The following RAB3B variants were observed in gnomAD, a reference collection of about 807,000 sequenced individuals.
RAB3B encodes the protein ras-related protein Rab-3B.
RAB3B carries 11 observed loss-of-function variants against 20.5 expected under a neutral mutation model. The ratio of observed to expected loss-of-function variants is 0.54; its 90% CI spans 0.34 to 0.89. RAB3B has a LOEUF of 0.89. Among genes scored for constraint, RAB3B ranks in the 40% least tolerant of loss-of-function variants. The pLI, the probability that RAB3B is intolerant of heterozygous loss-of-function variation, is 0.02. For synonymous variants in RAB3B, 99 were observed against 106.3 expected, an observed-to-expected ratio of 0.93 and a Z score of 0.42; for missense variants, 225 against 280.9, an observed-to-expected ratio of 0.80 and a Z score of 1.42.
In RAB3B at chr1:51,937,388, G is replaced by A. The variant is rs749093105; in HGVS notation, c.253C>T (p.Arg85Trp). ...CGGTAATAGGCTGTTGTGATGGTCC[G>A]GTACCGCTCCTGCCCAGCTGTGTCC... ...IWDTAGQERY[R>W]TITTAYYRGA... Residue 85 changes from arginine (R) to tryptophan (W), a missense_variant, in exon 3 of 5, where the codon CGG becomes TGG. Transcript: ENST00000371655. The A allele has an allele frequency of 8.7e-6, 14 of 1,608,796 alleles. No individual in the cohort carries two copies. The highest frequency in any genetic ancestry group is 1.1e-5 in the South Asian group (1 of 89,724).
chr1:51,963,831 CTGCATGTAA>C (rs1329598012), intron 2 of RAB3B, among the ~76,000 whole-genome samples: 4 of 152,320 alleles, frequency 2.6e-5, no homozygotes, highest in African/African-American at 9.6e-5. Context: ...GACTCACCCT[CTGCATGTAA>C]TCCTATCCCC....
At chr1:51,981,575 T>G (rs1557978546) in intron 1 of RAB3B, among the ~76,000 whole-genome samples, 1 of 152,236 alleles carries the variant, frequency 6.6e-6, no homozygotes, top group East Asian at 1.9e-4. Flanking sequence ...CTATGCATAT[T>G]GTAATAGCTG....
intron 3 of RAB3B, among the ~76,000 whole-genome samples, chr1:51,934,392 C>T (rs1684367804): frequency 6.6e-6 from 1 of 152,160 alleles, no homozygotes; most frequent in African/African-American, 2.4e-5. Flanking sequence ...CATAAACCTT[C>T]CCTGAAGCCT....
chr1:51,963,483 A>G (rs939423626), intron 2 of RAB3B, among the ~76,000 whole-genome samples: 4 of 152,228 alleles, frequency 2.6e-5, no homozygotes, highest in Admixed American at 2.6e-4. Context: ...AGAGCAAAAC[A>G]TGGCTGGAGA....
intron 2 of RAB3B, among the ~76,000 whole-genome samples, chr1:51,943,777 A>G (rs1441652767): frequency 2.0e-5 from 3 of 152,250 alleles, no homozygotes; most frequent in Non-Finnish European, 4.4e-5. Context: ...CTTCAATTCT[A>G]TGAAGGCTGA....
intron 2 of RAB3B, among the ~76,000 whole-genome samples, chr1:51,963,728 G>A (rs1403675023): frequency 2.0e-5 from 3 of 151,920 alleles, no homozygotes; most frequent in Non-Finnish European, 2.9e-5. Flanking sequence ...AAGAGAACTC[G>A]AACCAGCACA....
At chr1:51,979,944 G>C (rs557144375) in intron 1 of RAB3B, among the ~76,000 whole-genome samples, 1 of 152,044 alleles carries the variant, frequency 6.6e-6, no homozygotes, top group South Asian at 2.1e-4. Flanking sequence ...AGGAGGCTGA[G>C]GCAGGAAAAT....
intron 4 of RAB3B, among the ~76,000 whole-genome samples, chr1:51,922,285 A>G (rs1472241559): frequency 6.6e-6 from 1 of 152,144 alleles, no homozygotes; most frequent in Non-Finnish European, 1.5e-5. Context: ...TAAGTAAGTA[A>G]ATAGGTTTTC....
intron 2 of RAB3B, among the ~76,000 whole-genome samples, chr1:51,957,599 G>A (rs994491951): frequency 1.3e-5 from 2 of 152,206 alleles, no homozygotes; most frequent in Non-Finnish European, 2.9e-5. Context: ...TTGTTGGGAG[G>A]ATAAAGTAAG....
At chr1:51,925,948 G>A (rs1229985684) in intron 4 of RAB3B, among the ~76,000 whole-genome samples, 2 of 152,220 alleles carry the variant, frequency 1.3e-5, no homozygotes, top group Non-Finnish European at 2.9e-5. Flanking sequence ...AGGAGTCACA[G>A]TAGAGGAGCA....
Position 51,977,056 on chromosome 1 carries a change from T to C in RAB3B, c.62A>G (p.Tyr21Cys), listed in dbSNP as rs921068736. 6 of 1,614,196 alleles carry C rather than the reference T, an allele frequency of 3.7e-6. No homozygotes were observed. The highest frequency in any genetic ancestry group is 5.1e-6 in the Non-Finnish European group (6 of 1,180,026). The change falls in exon 2 of 5, where the codon TAC (tyrosine) becomes TGC (cysteine). Residue 21 changes from tyrosine (Y) to cysteine (C), a missense_variant. Tyr to Cys is a radical substitution (Grantham distance 194). Coordinates refer to ENST00000371655, the MANE Select transcript of RAB3B (RefSeq NM_002867.4). The stretch of plus-strand genomic sequence containing the variant: ...GCCAATGATAAGCAGTTTAAACATG[T>C]AGTCAAAATTCTGGTCAGAGGCATC... Reference protein sequence around the residue: ...VKDASDQNFDYMFKLLIIGNS... With the variant: ...VKDASDQNFDCMFKLLIIGNS...
Position 51,929,605 on chromosome 1 carries a change from T to C in RAB3B, c.472+3713A>G, listed in dbSNP as rs370075110. 2.0e-5 allele frequency among the ~76,000 whole-genome samples: 3 copies of C among 152,286 alleles called. No individual in the cohort carries two copies. The East Asian group carries it at 5.8e-4, about 29-fold the overall frequency. ...TGCTGGGATTACAAGTGTGAGCCAC[T>C]GCGCCCAGCCAATTCTATTTTTTTT... On this transcript the variant is annotated intron_variant, in intron 4 of 4. Transcript: ENST00000371655.
At chr1:51,963,163 A>T (rs148042036) in intron 2 of RAB3B, among the ~76,000 whole-genome samples, 1 of 152,292 alleles carries the variant, frequency 6.6e-6, no homozygotes, top group Non-Finnish European at 1.5e-5. Context: ...TCACTCTCAC[A>T]GTCATATCCT....
chr1:51,962,223 T>A (rs1393272809), intron 2 of RAB3B, among the ~76,000 whole-genome samples: 1 of 152,218 alleles, frequency 6.6e-6, no homozygotes, highest in Non-Finnish European at 1.5e-5. Context: ...AGTGTCAGGA[T>A]GAAATCAGTT....
intron 2 of RAB3B, among the ~76,000 whole-genome samples, chr1:51,966,792 A>T (rs1684857854): frequency 6.6e-6 from 1 of 151,952 alleles, no homozygotes; most frequent in South Asian, 2.1e-4. Context: ...CTGTCTTCAC[A>T]TTCCTGGAGC....
chr1:51,970,849 C>T (rs1192212790), intron 2 of RAB3B, among the ~76,000 whole-genome samples: 1 of 141,032 alleles, frequency 7.1e-6, no homozygotes, highest in Non-Finnish European at 1.6e-5. Flanking sequence ...ACTAAAAATA[C>T]AAAAAAAAAA....
At chr1:51,922,605 C>G (rs1003943563) in intron 4 of RAB3B, among the ~76,000 whole-genome samples, 2 of 152,102 alleles carry the variant, frequency 1.3e-5, no homozygotes, top group African/African-American at 4.8e-5. Context: ...CCTTGCACCT[C>G]TACTGTCTCC....
intron 2 of RAB3B, among the ~76,000 whole-genome samples, chr1:51,972,489 CTTTTT>C (rs1160625371): frequency 7.6e-6 from 1 of 130,862 alleles, no homozygotes; most frequent in Non-Finnish European, 1.6e-5. Flanking sequence ...TTTCTTTTTT[CTTTTT>C]TTTTTTTTTT....
At chr1:51,956,309 G>T (rs1226643483) in intron 2 of RAB3B, among the ~76,000 whole-genome samples, 2 of 152,180 alleles carry the variant, frequency 1.3e-5, no homozygotes, top group East Asian at 3.8e-4. Context: ...CTTACTAAGT[G>T]TCAAGCACTG....
Sources: allele counts gnomAD v4.1 joint callset (sites outside exome capture counted in the v4.1 genomes callset), GRCh38; gene constraint gnomAD v4.1.1; transcripts MANE v1.5; gene names NCBI Gene and HGNC (gene_info 2026-07-23, HGNC 2026-07-21).